The following KYNU variants were observed in gnomAD, a reference collection of about 807,000 sequenced individuals.
KYNU encodes the protein kynureninase.
In KYNU, 54 loss-of-function variants were observed where a neutral mutation model predicts 59.2. The ratio of observed to expected loss-of-function variants is 0.91; its 90% CI spans 0.73 to 1.14. KYNU has a LOEUF of 1.14. Among genes scored for constraint, KYNU ranks in the 50% most tolerant of loss-of-function variants. KYNU has a pLI of 0.00. For missense variants in KYNU, 567 were observed against 554.4 expected (o/e 1.02, Z -0.23); for synonymous variants, 177 against 192.0 (o/e 0.92, Z 0.65).
chr2:143,037,342 C>T (rs548846203), intron 12 of KYNU, among the ~76,000 whole-genome samples: 1 of 152,192 alleles, frequency 6.6e-6, no homozygotes, highest in Admixed American at 6.5e-5. Flanking sequence ...TTAAACAATA[C>T]GTATATTATA....
intron 4 of KYNU, among the ~76,000 whole-genome samples, chr2:142,939,456 G>T (rs1683506951): frequency 1.3e-5 from 2 of 151,664 alleles, no homozygotes; most frequent in Non-Finnish European, 2.9e-5. Flanking sequence ...ACAAAAATTA[G>T]CCGGGCATTG....
At chr2:142,958,457 T>G (rs989258980) in intron 7 of KYNU, among the ~76,000 whole-genome samples, 1 of 152,238 alleles carries the variant, frequency 6.6e-6, no homozygotes, top group African/African-American at 2.4e-5. Context: ...GAATAAATTT[T>G]AGGTTTCACA....
At chr2:143,030,057 T>C (rs1009375645) in intron 11 of KYNU, among the ~76,000 whole-genome samples, 2 of 152,212 alleles carry the variant, frequency 1.3e-5, no homozygotes, top group Admixed American at 1.3e-4. Context: ...AATAGTTTTT[T>C]GATCCTGCAC....
At chr2:142,998,018 C>CT (rs34173054) in intron 10 of KYNU, among the ~76,000 whole-genome samples, 2 of 152,218 alleles carry the variant, frequency 1.3e-5, no homozygotes, top group African/African-American at 4.8e-5. Context: ...TTTGAAACTA[C>CT]TTTTTTGGAA....
At chr2:142,969,456 T>G (rs1458548139) in intron 8 of KYNU, among the ~76,000 whole-genome samples, 1 of 152,198 alleles carries the variant, frequency 6.6e-6, no homozygotes, top group African/African-American at 2.4e-5. Flanking sequence ...CAATCTGTAG[T>G]CTTAAATCCA....
intron 7 of KYNU, among the ~76,000 whole-genome samples, chr2:142,960,397 T>A (rs1684302974): frequency 6.6e-6 from 1 of 152,248 alleles, no homozygotes; most frequent in Non-Finnish European, 1.5e-5. Context: ...ATTCGGCTTT[T>A]GAAGACTTTC....
Position 142,957,727 on chromosome 2 carries a change from A to G in KYNU, c.582+12A>G, listed in dbSNP as rs1440827820. ...TAAAGCCAAGAGAGGTATATGAGAA[A>G]GAAAGAAATATTTGTCATGCTTTGT... On this transcript the variant is annotated intron_variant, in intron 7 of 13. Transcript: ENST00000264170. 4 of 1,503,806 alleles carry G rather than the reference A, an allele frequency of 2.7e-6. No homozygotes were observed. Among genetic ancestry groups the G allele is most frequent in the Non-Finnish European group, 2.8e-6 (3 of 1,080,116 alleles). The allele number at this position is 1,503,806 out of a possible 1,614,324, so 93.2% of individuals were successfully genotyped here. A position where few individuals can be genotyped will look rare whatever the true frequency, so the allele number is the denominator to read the frequency against.
intron 2 of KYNU, among the ~76,000 whole-genome samples, chr2:142,886,224 T>C: frequency 6.6e-6 from 1 of 152,206 alleles, no homozygotes; most frequent in South Asian, 2.1e-4. Context: ...CCAGGTTGAA[T>C]GGAATTAGTC....
rs72349700 is a variant in KYNU, at chr2:143,013,298, C to CTCTCTCTGTGTGTGTGTGTGTG, written c.903-16328_903-16327insCTCTCTGTGTGTGTGTGTGTGT. ...TCTCTCTGTTTCTCTGTCTCTTTCT[C>CTCTCTCTGTGTGTGTGTGTGTG]TGTGTGTGTGTGTGTGTGTGTCCAT... On this transcript the variant is annotated intron_variant, in intron 10 of 13. Transcript: ENST00000264170. Among the ~76,000 whole-genome samples, 834 of 149,560 alleles carry CTCTCTCTGTGTGTGTGTGTGTG rather than the reference C, an allele frequency of 5.6e-3. 7 individuals are homozygous for CTCTCTCTGTGTGTGTGTGTGTG. The highest frequency in any genetic ancestry group is 0.02 in the African/African-American group (805 of 40,566).
chr2:142,966,335 CT>C (rs1684532680), intron 8 of KYNU, among the ~76,000 whole-genome samples: 1 of 152,114 alleles, frequency 6.6e-6, no homozygotes. Context: ...TGGTTGTGTC[CT>C]TTGGCTTTTG....
Position 143,007,308 on chromosome 2 carries a change from C to T in KYNU, c.902+21287C>T, listed in dbSNP as rs554370965. Among the ~76,000 whole-genome samples the T allele has an allele frequency of 4.7e-5, 7 of 149,694 alleles. No homozygotes were observed. The East Asian group carries it at 5.8e-4, about 12-fold the overall frequency. On this transcript the variant is annotated intron_variant, in intron 10 of 13. Transcript: ENST00000264170. ...GATCAACTGGAAGAAAGGGTATCAG[C>T]GATGGAAGATGAAATGAATGAAATG...
chr2:142,898,382 C>T (rs920963890), intron 2 of KYNU, among the ~76,000 whole-genome samples: 2 of 151,620 alleles, frequency 1.3e-5, no homozygotes, highest in Non-Finnish European at 2.9e-5. Context: ...GATCATAGAC[C>T]ACAACTTTGA....
In KYNU at chr2:143,046,033, A is replaced by T. The variant is rs1443532024; in HGVS notation, c.*3861A>T. ...AAAATATTTCATGCTAATCACATTA[A>T]AATTATATCAAAGTATATAAACATA... On this transcript the variant is annotated 3_prime_UTR_variant, in exon 14 of 14. Transcript: ENST00000264170. The T allele has an allele frequency of 6.6e-6, 1 of 152,194 alleles. No homozygotes were observed. The highest frequency in any genetic ancestry group is 1.5e-5 in the Non-Finnish European group (1 of 68,030). The allele number at this position is 152,194 out of a possible 1,614,324, so 9.4% of individuals were successfully genotyped here.
chr2:142,888,037 T>C (rs993239891), intron 2 of KYNU, among the ~76,000 whole-genome samples: 4 of 152,246 alleles, frequency 2.6e-5, no homozygotes, highest in Non-Finnish European at 5.9e-5. Context: ...GGTATAATAT[T>C]GATTTTGATT....
rs1488978859 is a variant in KYNU, at chr2:143,043,374, A to T, written c.*1202A>T. ...TGCCACAATCATTATTTATAAGTTGACAAAATAGTGTAGATTTGTATACAT... is the reference window on the plus strand; with the variant it reads ...TGCCACAATCATTATTTATAAGTTGTCAAAATAGTGTAGATTTGTATACAT... On this transcript the variant is annotated 3_prime_UTR_variant, in exon 14 of 14. Transcript: ENST00000264170. 6.6e-6 allele frequency: 1 copy of T among 152,018 alleles called. No individual in the cohort carries two copies. Among genetic ancestry groups the T allele is most frequent in the African/African-American group, 2.4e-5 (1 of 41,420 alleles). 9.4% of individuals were successfully genotyped at this position (152,018 alleles called of 1,614,324 possible). A position where few individuals can be genotyped will look rare whatever the true frequency, so the allele number is the denominator to read the frequency against.
rs1341693828 is a variant in KYNU, at chr2:143,053,290, T to G, written c.*11118T>G. ...CAGGGAGAACTCTGTTTTCTTACCT[T>G]TTCTGGATTCTAGAGGCTTCCCACA... On this transcript the variant is annotated 3_prime_UTR_variant, in exon 14 of 14. Coordinates refer to ENST00000264170, the MANE Select transcript of KYNU (RefSeq NM_003937.3). 6.6e-6 allele frequency: 1 copy of G among 152,238 alleles called. No individual in the cohort carries two copies. The highest frequency in any genetic ancestry group is 2.4e-5 in the African/African-American group (1 of 41,448). The allele number at this position is 152,238 out of a possible 1,614,324, so 9.4% of individuals were successfully genotyped here.
chr2:143,012,690 A>T (rs1686144436), intron 10 of KYNU, among the ~76,000 whole-genome samples: 1 of 152,054 alleles, frequency 6.6e-6, no homozygotes, highest in Admixed American at 6.5e-5. Flanking sequence ...TCATGCAGTT[A>T]CCCATTTTTT....
intron 12 of KYNU, among the ~76,000 whole-genome samples, chr2:143,039,661 G>A (rs1420573518): frequency 6.6e-6 from 1 of 152,022 alleles, no homozygotes; most frequent in Non-Finnish European, 1.5e-5. Flanking sequence ...ATTATCACCA[G>A]ACCAACTCAA....
intron 10 of KYNU, among the ~76,000 whole-genome samples, chr2:143,015,714 A>G (rs1275964405): frequency 2.0e-5 from 3 of 152,058 alleles, no homozygotes; most frequent in Non-Finnish European, 4.4e-5. Flanking sequence ...AAATATAAAC[A>G]TAGATTTGTG....
Sources: gnomAD v4.1 joint callset for allele counts (sites outside exome capture counted in the v4.1 genomes callset) on GRCh38, gnomAD v4.1.1 for gene constraint, MANE v1.5 for transcripts, NCBI Gene and HGNC (gene_info 2026-07-23, HGNC 2026-07-21) for gene names.